Variants in STAG3 observed in about 807,000 individuals in gnomAD.
STAG3 encodes the protein cohesin subunit SA-3.
STAG3 carries 101 observed loss-of-function variants against 160.7 expected under a neutral mutation model. The ratio of observed to expected loss-of-function variants is 0.63; its 90% CI spans 0.54 to 0.74. The LOEUF (loss-of-function observed/expected upper bound fraction) is 0.74, where lower values mean the gene tolerates loss of function less well. Ranked by LOEUF, STAG3 falls within the 30% of genes least tolerant of loss-of-function variation. STAG3 has a pLI of 0.00. For missense variants in STAG3, 1,188 were observed against 1,517.4 expected (o/e 0.78, Z 3.61); for synonymous variants, 519 against 585.0 (o/e 0.89, Z 1.63).
Position 100,214,085 on chromosome 7 carries a change from G to C in STAG3, c.*70G>C. 6.3e-7 allele frequency: 1 copy of C among 1,582,910 alleles called. No individual in the cohort carries two copies. The highest frequency in any genetic ancestry group is 8.7e-7 in the Non-Finnish European group (1 of 1,154,826). ...TGTGACCATTTGGAAAAGGCAAAGAGAAAAGGAGCAAAATGAAGCATTCCC... is the reference window on the plus strand; with the variant it reads ...TGTGACCATTTGGAAAAGGCAAAGACAAAAGGAGCAAAATGAAGCATTCCC... On this transcript the variant is annotated 3_prime_UTR_variant, in exon 34 of 34. Transcript: ENST00000615138.
At chr7:100,216,931 CT>C, downstream of STAG3, among the ~76,000 whole-genome samples, 1 of 152,214 alleles carries the variant, frequency 6.6e-6, no homozygotes, top group Admixed American at 6.5e-5. Context: ...ATCTAGAAGA[CT>C]TGTGAACAGG....
At chr7:100,203,501 A>ATTTT (rs984982136) in intron 25 of STAG3, among the ~76,000 whole-genome samples, 1 of 147,882 alleles carries the variant, frequency 6.8e-6, no homozygotes, top group Non-Finnish European at 1.5e-5. Context: ...TTTGTTTTTT[A>ATTTT]TTTTATTTAT....
intron 19 of STAG3, 59 bp downstream of exon 19, chr7:100,201,028 CG>C (rs1801082024): frequency 6.2e-7 from 1 of 1,613,726 alleles, no homozygotes; most frequent in Admixed American, 1.7e-5. Context: ...GGCTGCAAGA[CG>C]GGGGATGTGG....
At chr7:100,208,732 A>G (rs1801893274) in intron 29 of STAG3, among the ~76,000 whole-genome samples, 1 of 152,242 alleles carries the variant, frequency 6.6e-6, no homozygotes, top group Admixed American at 6.5e-5. Flanking sequence ...TGCTGGGAAT[A>G]CAGCAGTGAA....
At chr7:100,217,292 T>C (rs1479611880), downstream of STAG3, among the ~76,000 whole-genome samples, 1 of 152,224 alleles carries the variant, frequency 6.6e-6, no homozygotes, top group East Asian at 1.9e-4. Flanking sequence ...CTGCTGGCCG[T>C]CCAGGACAGC....
Position 100,202,034 on chromosome 7 carries a change from A to G in STAG3, c.2387A>G (p.Gln796Arg), listed in dbSNP as rs1801180307. The change falls in exon 23 of 34, where the codon CAG (glutamine) becomes CGG (arginine). Residue 796 changes from glutamine to arginine, a missense_variant. By Grantham distance (43) the Gln-to-Arg change is conservative. This residue lies in a region of STAG3 where 647 missense variants were observed against 717.2 expected (regional missense o/e 0.90). Transcript: ENST00000615138. ...CTCTCAGATGTGGATACTGAGATCCAGGAGCAGGTGAGTACTGACTCAAGT... is the reference window on the plus strand; with the variant it reads ...CTCTCAGATGTGGATACTGAGATCCGGGAGCAGGTGAGTACTGACTCAAGT... ...SCLSDVDTEI[Q>R]EQAFVLLSDL... 2 of 1,614,210 alleles carry G rather than the reference A, an allele frequency of 1.2e-6. No homozygotes were observed. The highest frequency in any genetic ancestry group is 4.5e-5 in the East Asian group (2 of 44,884).
At position 100,182,192 on chromosome 7, in the gene STAG3, G is replaced by T; in HGVS notation, c.219G>T (p.Pro73=). Residue 73 remains proline (P), a splice_region_variant and synonymous_variant, in exon 3 of 34, where the codon CCG becomes CCT. Transcript: ENST00000615138. The part of the protein sequence containing the change: ...RAAKRPPKTT[P]VAKHPKKGSR... Reference sequence around the variant, plus strand: ...CAAAACGACCACCGAAAACAACACCGGTGAGTCAGCCAGTTTTCTTTTGTT... The same window carrying T: ...CAAAACGACCACCGAAAACAACACCTGTGAGTCAGCCAGTTTTCTTTTGTT... 6.2e-7 allele frequency: 1 copy of T among 1,607,772 alleles called. No homozygotes were observed. The highest frequency in any genetic ancestry group is 8.5e-7 in the Non-Finnish European group (1 of 1,176,836).
intron 29 of STAG3, among the ~76,000 whole-genome samples, chr7:100,209,100 G>T (rs572518817): frequency 1.3e-5 from 2 of 152,290 alleles, no homozygotes; most frequent in Admixed American, 6.5e-5. Flanking sequence ...AGAGTGGAAA[G>T]TTCATATTTA....
rs1799521690 is a variant in STAG3 at position 100,179,761 on chromosome 7, G to A, written c.-64-732G>A. Among the ~76,000 whole-genome samples the A allele has an allele frequency of 1.3e-5, 2 of 152,068 alleles. 1 individual carries two copies. The highest frequency in any genetic ancestry group is 6.3e-3 in the Middle Eastern group (2 of 316). ...ATTTATTTATTTATTTTGAGATGGA[G>A]TTTCACTCTTGTTGCCCAGGCTGGA... On this transcript the variant is annotated intron_variant, in intron 1 of 33. Coordinates refer to ENST00000615138, the MANE Select transcript of STAG3 (RefSeq NM_001282717.2).
intron 8 of STAG3, among the ~76,000 whole-genome samples, chr7:100,190,392 C>G (rs1193008927): frequency 6.6e-6 from 1 of 152,188 alleles, no homozygotes; most frequent in African/African-American, 2.4e-5. Context: ...CTCTAGCCCT[C>G]ACAAAAGATC....
chr7:100,201,259 C>T lies in STAG3; in HGVS notation c.2133-5C>T. On this transcript the variant is annotated splice_region_variant and splice_polypyrimidine_tract_variant and intron_variant, in intron 20 of 33. Coordinates refer to ENST00000615138, the MANE Select transcript of STAG3 (RefSeq NM_001282717.2). The stretch of plus-strand genomic sequence containing the variant: ...CAGTATAACATTCCCCTTTCTCCCC[C>T]AAAGCACTCATGACCTGACTCGCTG... 6.2e-7 allele frequency: 1 copy of T among 1,614,082 alleles called. No individual in the cohort carries two copies. Among genetic ancestry groups the T allele is most frequent in the Non-Finnish European group, 8.5e-7 (1 of 1,180,004 alleles).
intron 2 of STAG3, 65 bp from the exon 3 acceptor site, chr7:100,182,025 T>G: frequency 1.7e-6 from 2 of 1,211,310 alleles, no homozygotes; most frequent in South Asian, 2.5e-5. Context: ...AAACCATAAT[T>G]AATTAGCCTT....
At chr7:100,199,041 G>C (rs1800884838) in intron 14 of STAG3, 84 bp downstream of exon 14, 1 of 1,289,768 alleles carries the variant, frequency 7.8e-7, no homozygotes, top group African/African-American at 1.5e-5. Flanking sequence ...TGTAAGCCCA[G>C]CACTTTGGGA....
At chr7:100,189,058 A>G (rs745337055) in intron 7 of STAG3, 42 bp downstream of exon 7, 5 of 1,604,806 alleles carry the variant, frequency 3.1e-6, no homozygotes, top group African/African-American at 1.3e-5. Flanking sequence ...CTGGGGATTT[A>G]TAGGACTTTC....
intron 1 of STAG3, among the ~76,000 whole-genome samples, chr7:100,178,780 TC>T (rs1799441279): frequency 6.6e-6 from 1 of 151,762 alleles, no homozygotes; most frequent in African/African-American, 2.4e-5. Context: ...GTGTCTGTAA[TC>T]CCTTGGTGCT....
chr7:100,209,318 G>C (rs1801954761), intron 29 of STAG3, among the ~76,000 whole-genome samples: 2 of 152,186 alleles, frequency 1.3e-5, no homozygotes, highest in Admixed American at 6.5e-5. Context: ...AGGGTGCTTA[G>C]TGTGTATCAG....
intron 8 of STAG3, among the ~76,000 whole-genome samples, chr7:100,193,092 G>C (rs1334340372): frequency 6.6e-6 from 1 of 152,218 alleles, no homozygotes; most frequent in Admixed American, 6.5e-5. Context: ...GAGCTCTTGG[G>C]TGACCAGGTG....
chr7:100,182,335 G>A (rs1799700111), intron 3 of STAG3, 143 bp downstream of exon 3: 3 of 614,014 alleles, frequency 4.9e-6, no homozygotes, highest in Non-Finnish European at 8.5e-6. Flanking sequence ...CTCTAGCCTG[G>A]GCGACAGAGC....
At chr7:100,195,471 T>A in intron 9 of STAG3, 89 bp downstream of exon 9, 1 of 1,255,772 alleles carries the variant, frequency 8.0e-7, no homozygotes, top group Non-Finnish European at 1.1e-6. Flanking sequence ...CTCCAACCCT[T>A]AGTTATTTGG....
Sources: gnomAD v4.1 joint callset for allele counts (sites outside exome capture counted in the v4.1 genomes callset) on GRCh38, gnomAD v4.1.1 for gene constraint, gnomAD v4.1.1 regional missense constraint, MANE v1.5 for transcripts, NCBI Gene and HGNC (gene_info 2026-07-23, HGNC 2026-07-21) for gene names.